COL4A5: variants seen among roughly 807,000 people sequenced by gnomAD.
The protein encoded by COL4A5 is collagen type IV alpha 5 chain.
A neutral mutation model predicts 130.2 loss-of-function variants in COL4A5; 26 were observed. The observed-to-expected ratio is 0.20, with a 90% confidence interval of 0.15 to 0.28. COL4A5 has a LOEUF of 0.28. Among genes scored for constraint, COL4A5 ranks in the 10% least tolerant of loss-of-function variants. COL4A5 has a pLI of 1.00. For missense variants in COL4A5, 1,131 were observed against 1,344.3 expected (o/e 0.84, Z 2.48); for synonymous variants, 496 against 439.6 (o/e 1.13, Z -1.60).
chrX:108,653,892 A>C (rs1439679702), intron 36 of COL4A5, among the ~76,000 whole-genome samples: 2 of 112,195 alleles, frequency 1.8e-5, no homozygotes, highest in Non-Finnish European at 3.8e-5. Context: ...TAGATATTTG[A>C]TTTACAAGGT....
intron 2 of COL4A5, among the ~76,000 whole-genome samples, chrX:108,557,399 CAAG>C (rs1203980322): frequency 9.0e-6 from 1 of 111,518 alleles, no homozygotes; most frequent in Non-Finnish European, 1.9e-5. Context: ...ATTAAAACAA[CAAG>C]GGGATATATG....
At chrX:108,661,849 C>T (rs184136512) in intron 37 of COL4A5, among the ~76,000 whole-genome samples, 10 of 110,724 alleles carry the variant, frequency 9.0e-5, no homozygotes, top group Admixed American at 3.9e-4. Context: ...ACTTGGCATA[C>T]GGGCTTTATT....
intron 36 of COL4A5, among the ~76,000 whole-genome samples, chrX:108,653,604 C>CG (rs2067777089): frequency 9.0e-6 from 1 of 111,575 alleles, no homozygotes; most frequent in Non-Finnish European, 1.9e-5. Flanking sequence ...CCATGGATAG[C>CG]AAAACCATGG....
At chrX:108,602,022 T>C (rs768649117) in intron 27 of COL4A5, 33 bp downstream of exon 27, 58 of 709,303 alleles carry the variant, frequency 8.2e-5, no homozygotes, top group Non-Finnish European at 1.2e-4. Flanking sequence ...CAGAGTAGGT[T>C]AGAAGTTTAG....
At chrX:108,595,265 A>G (rs183686483) in intron 21 of COL4A5, among the ~76,000 whole-genome samples, 1 of 111,984 alleles carries the variant, frequency 8.9e-6, no homozygotes, top group Non-Finnish European at 1.9e-5. Context: ...AGGCATGTAG[A>G]CATGAATTTT....
At chrX:108,616,718 A>C (rs1198268571) in intron 30 of COL4A5, among the ~76,000 whole-genome samples, 2 of 111,213 alleles carry the variant, frequency 1.8e-5, no homozygotes, top group South Asian at 7.6e-4. Flanking sequence ...ATATGTTAAC[A>C]CGTGTCACGC....
chrX:108,462,103 C>T (rs2064659785), intron 1 of COL4A5, among the ~76,000 whole-genome samples: 2 of 111,033 alleles, frequency 1.8e-5, no homozygotes, highest in Admixed American at 1.9e-4. Context: ...GCAACATTAG[C>T]TTAAACATGA....
intron 1 of COL4A5, among the ~76,000 whole-genome samples, chrX:108,533,871 G>A (rs966332588): frequency 4.5e-5 from 5 of 110,557 alleles, no homozygotes; most frequent in African/African-American, 1.3e-4. Context: ...AATTAATCCC[G>A]TTTAAAGTAA....
intron 1 of COL4A5, among the ~76,000 whole-genome samples, chrX:108,529,390 A>G (rs983741364): frequency 2.7e-5 from 3 of 111,641 alleles, no homozygotes; most frequent in Non-Finnish European, 5.7e-5. Flanking sequence ...ACTCACAGAT[A>G]AACCAGTCAA....
chrX:108,639,103 A>G (rs1009937052), intron 36 of COL4A5, among the ~76,000 whole-genome samples: 7 of 111,481 alleles, frequency 6.3e-5, no homozygotes, highest in Non-Finnish European at 1.3e-4. Flanking sequence ...AACAATTCTA[A>G]AAAAGAACCA....
intron 36 of COL4A5, among the ~76,000 whole-genome samples, chrX:108,636,462 T>G (rs1218099687): frequency 9.1e-6 from 1 of 110,450 alleles, no homozygotes; most frequent in Non-Finnish European, 1.9e-5. Context: ...TTATTAAAAT[T>G]TAATGTGTTT....
At chrX:108,572,025 T>C (rs1186944574) in intron 8 of COL4A5, among the ~76,000 whole-genome samples, 188 bp downstream of exon 8, 1 of 111,909 alleles carries the variant, frequency 8.9e-6, no homozygotes, top group Non-Finnish European at 1.9e-5. Context: ...TTGTATGTGC[T>C]GATACACTTG....
At chrX:108,474,775 A>G (rs1236190698) in intron 1 of COL4A5, among the ~76,000 whole-genome samples, 2 of 111,532 alleles carry the variant, frequency 1.8e-5, no homozygotes, top group Non-Finnish European at 3.8e-5. Flanking sequence ...ATTTTTCTAT[A>G]AGGGATGAGA....
chrX:108,573,473 C>A, intron 8 of COL4A5, 101 bp from the exon 9 acceptor site: 1 of 599,250 alleles, frequency 1.7e-6, no homozygotes, highest in Non-Finnish European at 3.0e-6. Flanking sequence ...TCTTTTAGTA[C>A]ATCTCTGTTA....
chrX:108,579,467 A>G (rs1441122021), intron 13 of COL4A5, among the ~76,000 whole-genome samples: 1 of 112,231 alleles, frequency 8.9e-6, no homozygotes, highest in Non-Finnish European at 1.9e-5. Flanking sequence ...CTATTTGAAG[A>G]ATCCATTCAT....
At chrX:108,634,311 C>G (rs1339761890) in intron 36 of COL4A5, among the ~76,000 whole-genome samples, 2 of 109,979 alleles carry the variant, frequency 1.8e-5, no homozygotes, top group Non-Finnish European at 3.8e-5. Flanking sequence ...GAATTGTAGA[C>G]ACTGCCACCA....
chrX:108,502,667 G>GA (rs1252425115), intron 1 of COL4A5, among the ~76,000 whole-genome samples: 1 of 111,400 alleles, frequency 9.0e-6, no homozygotes, highest in Admixed American at 9.5e-5. Flanking sequence ...GACAGGCTTA[G>GA]AAAATCACAC....
At chrX:108,589,326 A>G (rs2066393258) in intron 19 of COL4A5, among the ~76,000 whole-genome samples, 2 of 111,217 alleles carry the variant, frequency 1.8e-5, no homozygotes, top group Non-Finnish European at 3.8e-5. Context: ...AATTGAAGAA[A>G]GAAAATGACT....
At chrX:108,528,264 T>C (rs955400062) in intron 1 of COL4A5, among the ~76,000 whole-genome samples, 4 of 112,092 alleles carry the variant, frequency 3.6e-5, no homozygotes, top group Non-Finnish European at 5.6e-5. Flanking sequence ...TAAACACCAC[T>C]AATGCTGTTT....
Sources: allele counts gnomAD v4.1 joint callset (sites outside exome capture counted in the v4.1 genomes callset), GRCh38; gene constraint gnomAD v4.1.1; transcripts MANE v1.5; gene names NCBI Gene and HGNC (gene_info 2026-07-23, HGNC 2026-07-21).